SH3GL2: variants seen among roughly 807,000 people sequenced by gnomAD.
The protein encoded by SH3GL2 is SH3 domain containing GRB2 like 2, endophilin A1, also known as endophilin-A1.
In SH3GL2, 24 loss-of-function variants were observed where a neutral mutation model predicts 46.0. The observed-to-expected ratio is 0.52, with a 90% CI of 0.38 to 0.73. The LOEUF (loss-of-function observed/expected upper bound fraction) is 0.73, where lower values mean the gene tolerates loss of function less well. Ranked by LOEUF, SH3GL2 falls within the 30% of genes least tolerant of loss-of-function variation. SH3GL2 has a pLI of 0.00. For synonymous variants in SH3GL2, 196 were observed against 147.1 expected (o/e 1.33, Z -2.40); for missense variants, 413 against 424.2 (o/e 0.97, Z 0.23).
Position 17,795,974 on chromosome 9 carries a change from C to T in SH3GL2, c.*231C>T, listed in dbSNP as rs1824265542. The T allele has an allele frequency of 1.9e-6, 1 of 535,962 alleles. No individual in the cohort carries two copies. 33.2% of individuals were successfully genotyped at this position (535,962 alleles called of 1,614,324 possible). A position where few individuals can be genotyped will look rare whatever the true frequency, so the allele number is the denominator to read the frequency against. On this transcript the variant is annotated 3_prime_UTR_variant, in exon 9 of 9. Coordinates refer to ENST00000380607, the MANE Select transcript of SH3GL2 (RefSeq NM_003026.5). ...GTGCTTTTTAAAACATCATCTGAGA[C>T]CAGCCAGTAGTCACAGAACTGCTGT...
chr9:17,617,224 T>G (rs530721567), intron 1 of SH3GL2, among the ~76,000 whole-genome samples: 7 of 152,220 alleles, frequency 4.6e-5, no homozygotes, highest in Non-Finnish European at 8.8e-5. Context: ...GGTGGACATT[T>G]AAAATGTTTC....
chr9:17,784,724 C>G (rs1323724725), intron 3 of SH3GL2, among the ~76,000 whole-genome samples: 1 of 152,086 alleles, frequency 6.6e-6, no homozygotes, highest in Non-Finnish European at 1.5e-5. Context: ...GGCATTTTCT[C>G]TTTTTAAAAA....
intron 1 of SH3GL2, among the ~76,000 whole-genome samples, chr9:17,639,484 C>T (rs1819621528): frequency 6.6e-6 from 1 of 152,196 alleles, no homozygotes; most frequent in Non-Finnish European, 1.5e-5. Context: ...TGCGATACAA[C>T]TGTATACCCA....
intron 1 of SH3GL2, among the ~76,000 whole-genome samples, chr9:17,711,886 C>G (rs1362082357): frequency 6.6e-6 from 1 of 151,782 alleles, no homozygotes; most frequent in African/African-American, 2.4e-5. Context: ...AAAAACAGTA[C>G]TCAACAGTTC....
intron 1 of SH3GL2, among the ~76,000 whole-genome samples, chr9:17,685,822 C>A (rs1037852322): frequency 6.6e-6 from 1 of 152,136 alleles, no homozygotes; most frequent in African/African-American, 2.4e-5. Flanking sequence ...TGTTTTGGTA[C>A]CAGTACCATG....
chr9:17,738,748 C>T (rs1018200724), intron 1 of SH3GL2, among the ~76,000 whole-genome samples: 1 of 151,274 alleles, frequency 6.6e-6, no homozygotes, highest in Admixed American at 6.6e-5. Flanking sequence ...GGTCAGCAGG[C>T]TTGGAAACTC....
At chr9:17,781,704 A>T (rs1029136510) in intron 3 of SH3GL2, among the ~76,000 whole-genome samples, 1 of 152,064 alleles carries the variant, frequency 6.6e-6, no homozygotes, top group Non-Finnish European at 1.5e-5. Flanking sequence ...GTTGTTCCAA[A>T]CTCTGAACAC....
At chr9:17,715,395 A>T (rs912086354) in intron 1 of SH3GL2, among the ~76,000 whole-genome samples, 1 of 151,666 alleles carries the variant, frequency 6.6e-6, no homozygotes. Flanking sequence ...TTACTTTTTC[A>T]AAATTTTTTT....
At chr9:17,671,721 T>G (rs1400749146) in intron 1 of SH3GL2, among the ~76,000 whole-genome samples, 1 of 152,180 alleles carries the variant, frequency 6.6e-6, no homozygotes, top group Non-Finnish European at 1.5e-5. Flanking sequence ...ATTGTGCCTC[T>G]GTTCTACACA....
At chr9:17,614,480 T>C (rs1243137706) in intron 1 of SH3GL2, among the ~76,000 whole-genome samples, 1 of 151,988 alleles carries the variant, frequency 6.6e-6, no homozygotes, top group Non-Finnish European at 1.5e-5. Context: ...AAGATCTGTG[T>C]CAGTATCTTT....
intron 1 of SH3GL2, among the ~76,000 whole-genome samples, chr9:17,731,101 G>A (rs1379904618): frequency 6.6e-6 from 1 of 152,066 alleles, no homozygotes; most frequent in Admixed American, 6.6e-5. Flanking sequence ...AGTCCTTGTG[G>A]CAGGAATGAT....
At chr9:17,674,082 C>G (rs1018786077) in intron 1 of SH3GL2, among the ~76,000 whole-genome samples, 1 of 152,154 alleles carries the variant, frequency 6.6e-6, no homozygotes, top group Non-Finnish European at 1.5e-5. Flanking sequence ...TGGAGGCATG[C>G]AGAATTAACA....
intron 1 of SH3GL2, among the ~76,000 whole-genome samples, chr9:17,711,203 T>G (rs1169065489): frequency 6.6e-6 from 1 of 151,926 alleles, no homozygotes; most frequent in East Asian, 1.9e-4. Flanking sequence ...GTACTTTTGT[T>G]ACCACTACTA....
chr9:17,584,300 A>T (rs1312610282), intron 1 of SH3GL2, among the ~76,000 whole-genome samples: 1 of 152,166 alleles, frequency 6.6e-6, no homozygotes, highest in East Asian at 1.9e-4. Context: ...CAGGAGTTCA[A>T]AACCGGCTTT....
At chr9:17,601,177 A>G (rs1230147970) in intron 1 of SH3GL2, among the ~76,000 whole-genome samples, 2 of 152,136 alleles carry the variant, frequency 1.3e-5, no homozygotes, top group Admixed American at 6.6e-5. Context: ...TGACCTGCAC[A>G]TGGTCATTTC....
intron 1 of SH3GL2, among the ~76,000 whole-genome samples, chr9:17,719,257 G>A (rs982658089): frequency 5.3e-5 from 8 of 152,050 alleles, no homozygotes; most frequent in Admixed American, 3.3e-4. Flanking sequence ...TTTCCAAAGC[G>A]GTTCAGGTAT....
chr9:17,641,682 C>CCT (rs2134644674), intron 1 of SH3GL2, among the ~76,000 whole-genome samples: 1 of 152,240 alleles, frequency 6.6e-6, no homozygotes, highest in East Asian at 1.9e-4. Flanking sequence ...TGAGTGAGAA[C>CCT]ATGTGGTGTT....
chr9:17,628,937 A>T (rs1819356549), intron 1 of SH3GL2, among the ~76,000 whole-genome samples: 1 of 152,084 alleles, frequency 6.6e-6, no homozygotes, highest in African/African-American at 2.4e-5. Flanking sequence ...CCAACTGTTT[A>T]TAAAGATCCA....
intron 1 of SH3GL2, among the ~76,000 whole-genome samples, chr9:17,587,117 G>C (rs1260989741): frequency 6.6e-6 from 1 of 152,202 alleles, no homozygotes; most frequent in Non-Finnish European, 1.5e-5. Flanking sequence ...CAGGAGAATT[G>C]CTTGCACCTG....
Sources: gnomAD v4.1 joint callset for allele counts (sites outside exome capture counted in the v4.1 genomes callset) on GRCh38, gnomAD v4.1.1 for gene constraint, MANE v1.5 for transcripts, NCBI Gene and HGNC (gene_info 2026-07-23, HGNC 2026-07-21) for gene names.